The following RADX variants were observed in gnomAD, a reference collection of about 807,000 sequenced individuals.
RADX encodes RPA1 related single stranded DNA binding protein, X-linked.
In RADX, 36 loss-of-function variants were observed where a neutral mutation model predicts 61.6. That is an observed-to-expected ratio of 0.58 (90% confidence interval 0.45 to 0.77). RADX has a LOEUF of 0.77. Ranked by LOEUF, RADX falls within the 30% of genes least tolerant of loss-of-function variation. The probability of loss-of-function intolerance (pLI) is 0.00; values close to 1 mark genes in which losing one functional copy is unlikely to be tolerated. For synonymous variants in RADX, 272 were observed against 237.9 expected, an observed-to-expected ratio of 1.14 and a Z score of -1.32; for missense variants, 497 against 651.1, an observed-to-expected ratio of 0.76 and a Z score of 2.58.
At chrX:106,671,773 C>A (rs1928367238) in intron 13 of RADX, among the ~76,000 whole-genome samples, 1 of 111,679 alleles carries the variant, frequency 9.0e-6, no homozygotes, top group Non-Finnish European at 1.9e-5. Context: ...GCTTTAAAAT[C>A]TTAATACATT....
chrX:106,636,815 A>G (rs1178367076), intron 7 of RADX, among the ~76,000 whole-genome samples, 168 bp downstream of exon 7: 1 of 112,043 alleles, frequency 8.9e-6, no homozygotes, highest in Non-Finnish European at 1.9e-5. Flanking sequence ...CCTGTGAAAT[A>G]CGTTGCTTAT....
Position 106,612,481 on chromosome X carries a change from T to C in RADX, c.401T>C (p.Val134Ala), listed in dbSNP as rs1354325399. The C allele has an allele frequency of 8.3e-7, 1 of 1,211,230 alleles. No individual in the cohort carries two copies. Among genetic ancestry groups the C allele is most frequent in the South Asian group, 1.8e-5 (1 of 56,955 alleles). The change falls in exon 1 of 14, where the codon GTC becomes GCC. Residue 134 changes from valine (V) to alanine (A), a missense_variant. Physicochemically the swap from Val to Ala is moderately conservative, Grantham distance 64 (BLOSUM62 0). This residue lies in a region of RADX where 196 missense variants were observed against 315.0 expected (regional missense o/e 0.62). Transcript: ENST00000372548. ...KVGIQMRISR[V>A]SCLYNEKRIG... Reference sequence around the variant, plus strand: ...GGCATTCAAATGAGAATTTCCAGGGTCTCATGTCTTTACAATGAGAAAAGG... The same window carrying C: ...GGCATTCAAATGAGAATTTCCAGGGCCTCATGTCTTTACAATGAGAAAAGG...
At chrX:106,674,523 G>A (rs1335067306) in intron 13 of RADX, among the ~76,000 whole-genome samples, 7 of 111,406 alleles carry the variant, frequency 6.3e-5, no homozygotes, top group Admixed American at 3.8e-4. Flanking sequence ...GTATCTCATT[G>A]TGGTTTTGAT....
intron 11 of RADX, among the ~76,000 whole-genome samples, chrX:106,657,745 T>G (rs1927981674): frequency 9.0e-6 from 1 of 111,622 alleles, no homozygotes; most frequent in African/African-American, 3.3e-5. Flanking sequence ...ACAGTATTTT[T>G]CAATTAAGTT....
At chrX:106,635,389 G>T (rs187630463) in intron 6 of RADX, among the ~76,000 whole-genome samples, 25 of 110,895 alleles carry the variant, frequency 2.3e-4, no homozygotes, top group Non-Finnish European at 3.8e-5. Flanking sequence ...AGAATTAGAG[G>T]TTTCTTTATT....
In RADX at chrX:106,637,778, A is replaced by G. The variant is rs1196268633; in HGVS notation, c.1427A>G (p.Tyr476Cys). Residue 476 changes from tyrosine to cysteine, a missense_variant, in exon 8 of 14, where the codon TAT (tyrosine) becomes TGT (cysteine). This residue lies in a region of RADX where 267 missense variants were observed against 306.9 expected (regional missense o/e 0.87). Transcript: ENST00000372548. ...CGAGGAGGTCATAGAGGCCAGCCGT[A>G]TACGTATGATGCCAAGGTAAAAAAC... ...VFITGHRGQPYTYDAKVKNFI... is the reference protein window; with the variant it reads ...VFITGHRGQPCTYDAKVKNFI... 1 of 1,207,439 alleles carries G rather than the reference A, an allele frequency of 8.3e-7. No homozygotes were observed. The highest frequency in any genetic ancestry group is 1.8e-5 in the South Asian group (1 of 56,008).
chrX:106,624,015 TC>T (rs1173862536), intron 2 of RADX, among the ~76,000 whole-genome samples: 1 of 111,072 alleles, frequency 9.0e-6, no homozygotes, highest in Non-Finnish European at 1.9e-5. Context: ...TCTCATCTCT[TC>T]CTGAGCTCTC....
chrX:106,644,054 A>G (rs1213425469), intron 10 of RADX, among the ~76,000 whole-genome samples: 3 of 111,088 alleles, frequency 2.7e-5, no homozygotes, highest in Non-Finnish European at 5.7e-5. Flanking sequence ...AAATGGGATT[A>G]CTTTTTTATT....
chrX:106,643,607 T>A (rs1927582689), intron 10 of RADX, among the ~76,000 whole-genome samples: 1 of 111,592 alleles, frequency 9.0e-6, no homozygotes, highest in African/African-American at 3.3e-5. Context: ...CAGTGTATGT[T>A]CTTGGCACCT....
intron 9 of RADX, among the ~76,000 whole-genome samples, chrX:106,640,064 G>T (rs1457396070): frequency 4.6e-5 from 5 of 108,377 alleles, no homozygotes; most frequent in East Asian, 2.9e-4. Flanking sequence ...TTTCTAGGTG[G>T]TATCTATGAC....
intron 1 of RADX, among the ~76,000 whole-genome samples, chrX:106,621,039 C>G (rs1281798918): frequency 8.9e-6 from 1 of 112,056 alleles, no homozygotes; most frequent in East Asian, 2.8e-4. Context: ...TTTTACAAAA[C>G]TATGTAGCTC....
intron 13 of RADX, among the ~76,000 whole-genome samples, chrX:106,673,679 T>TCCCCCC (rs1331044844): frequency 2.3e-5 from 2 of 85,186 alleles, no homozygotes; most frequent in African/African-American, 1.1e-4. Flanking sequence ...CTCCCCCCCA[T>TCCCCCC]CCCCCCCCAC....
chrX:106,663,912 G>A (rs1341870190), intron 12 of RADX, among the ~76,000 whole-genome samples: 2 of 111,702 alleles, frequency 1.8e-5, no homozygotes, highest in African/African-American at 3.2e-5. Context: ...TTATAAATTT[G>A]TGTAGCTTTG....
Position 106,637,880 on chromosome X carries a change from C to T in RADX, c.1529C>T (p.Pro510Leu). ...NMVIGGYYPY[P>L]PVPETFSKYS... Reference sequence around the variant, plus strand: ...GTTATTGGTGGATATTACCCCTATCCACCAGTGCCAGAGACATTTTCCAAG... The same window carrying T: ...GTTATTGGTGGATATTACCCCTATCTACCAGTGCCAGAGACATTTTCCAAG... Residue 510 changes from proline (P) to leucine (L), a missense_variant, in exon 8 of 14, where the codon CCA (proline) becomes CTA (leucine). By Grantham distance (98) the Pro-to-Leu change is moderately conservative. Coordinates refer to ENST00000372548, the MANE Select transcript of RADX (RefSeq NM_018015.6). 8.3e-7 allele frequency: 1 copy of T among 1,206,897 alleles called. No homozygotes were observed. Among genetic ancestry groups the T allele is most frequent in the Non-Finnish European group, 1.1e-6 (1 of 891,309 alleles).
At chrX:106,658,711 G>C (rs754511301) in intron 11 of RADX, among the ~76,000 whole-genome samples, 32 of 111,675 alleles carry the variant, frequency 2.9e-4, no homozygotes, top group African/African-American at 1.0e-3. Context: ...TGATAACTTT[G>C]GCTTTTTAGA....
intron 13 of RADX, among the ~76,000 whole-genome samples, chrX:106,673,151 C>T (rs1434305422): frequency 8.9e-6 from 1 of 111,768 alleles, no homozygotes; most frequent in South Asian, 3.8e-4. Context: ...ATCTAACATG[C>T]AAGACAAAGT....
At chrX:106,633,700 C>T (rs1927294120) in intron 6 of RADX, among the ~76,000 whole-genome samples, 1 of 111,479 alleles carries the variant, frequency 9.0e-6, no homozygotes. Flanking sequence ...TGGTTCCGGT[C>T]GAATATTAAA....
chrX:106,642,818 G>T (rs376020738), intron 10 of RADX, among the ~76,000 whole-genome samples: 8 of 111,444 alleles, frequency 7.2e-5, no homozygotes, highest in African/African-American at 2.6e-4. Context: ...GTTTCTTTGA[G>T]GAACCTCCAA....
In RADX at chrX:106,612,743, G is replaced by A. The variant is rs1412080571; in HGVS notation, c.643+20G>A. The A allele has an allele frequency of 8.6e-6, 10 of 1,157,108 alleles. No individual in the cohort carries two copies. Among genetic ancestry groups the A allele is most frequent in the South Asian group, 4.1e-5 (2 of 48,739 alleles). ...TTAGCGGTAAGTGTTTGGAAAGAACGGCAGAGGGTTTTAAAAAAAATAGTT... is the reference window on the plus strand; with the variant it reads ...TTAGCGGTAAGTGTTTGGAAAGAACAGCAGAGGGTTTTAAAAAAAATAGTT... On this transcript the variant is annotated intron_variant, in intron 1 of 13. Coordinates refer to ENST00000372548, the MANE Select transcript of RADX (RefSeq NM_018015.6).
Sources: gnomAD v4.1 joint callset for allele counts (sites outside exome capture counted in the v4.1 genomes callset) on GRCh38, gnomAD v4.1.1 for gene constraint, gnomAD v4.1.1 regional missense constraint, MANE v1.5 for transcripts, NCBI Gene and HGNC (gene_info 2026-07-23, HGNC 2026-07-21) for gene names.